The following JADE1 variants were observed in gnomAD, a reference collection of about 807,000 sequenced individuals.
The protein encoded by JADE1 is protein Jade-1.
Under a neutral mutation model 81.8 loss-of-function variants are expected in JADE1, and 14 were observed. That is an observed-to-expected ratio of 0.17 (90% CI 0.11 to 0.27). JADE1 has a LOEUF of 0.27. Among genes scored for constraint, JADE1 ranks in the 10% least tolerant of loss-of-function variants. The pLI is 1.00. For synonymous variants in JADE1, 353 were observed against 391.9 expected, an observed-to-expected ratio of 0.90 and a Z score of 1.17; for missense variants, 690 against 1,047.9, an observed-to-expected ratio of 0.66 and a Z score of 4.71.
intron 1 of JADE1, among the ~76,000 whole-genome samples, chr4:128,826,908 T>G (rs1172792321): frequency 6.6e-6 from 1 of 152,206 alleles, no homozygotes; most frequent in East Asian, 1.9e-4. Context: ...TCTCTTTGTA[T>G]TATTGTTGAA....
chr4:128,815,313 G>T (rs1226736653), intron 1 of JADE1, among the ~76,000 whole-genome samples: 1 of 152,038 alleles, frequency 6.6e-6, no homozygotes, highest in Non-Finnish European at 1.5e-5. Context: ...TGTTAGCCAG[G>T]ATGGTCTCGA....
intron 1 of JADE1, among the ~76,000 whole-genome samples, chr4:128,829,300 A>G (rs1482993264): frequency 6.6e-6 from 1 of 152,192 alleles, no homozygotes; most frequent in African/African-American, 2.4e-5. Context: ...GACTATGCCT[A>G]CAGCATGAAA....
At position 128,872,494 on chromosome 4, in the gene JADE1, G is replaced by T; in HGVS notation, c.*232G>T. The T allele has an allele frequency of 2.0e-6, 1 of 503,136 alleles. No homozygotes were observed. Among genetic ancestry groups the T allele is most frequent in the Non-Finnish European group, 3.5e-6 (1 of 287,282 alleles). 31.2% of individuals were successfully genotyped at this position (503,136 alleles called of 1,614,324 possible). Reference sequence around the variant, plus strand: ...GAGTAGATTGTAACCATAAGACACTGCTAAGACTAGAACCCGAACTGAACA... The same window carrying T: ...GAGTAGATTGTAACCATAAGACACTTCTAAGACTAGAACCCGAACTGAACA... On this transcript the variant is annotated 3_prime_UTR_variant, in exon 11 of 11. Coordinates refer to ENST00000226319, the MANE Select transcript of JADE1 (RefSeq NM_199320.4).
At chr4:128,818,684 A>G (rs569826377) in intron 1 of JADE1, among the ~76,000 whole-genome samples, 18 of 152,334 alleles carry the variant, frequency 1.2e-4, no homozygotes, top group Non-Finnish European at 2.1e-4. Flanking sequence ...CAGAGCAACC[A>G]TGGGCAAAAT....
intron 1 of JADE1, among the ~76,000 whole-genome samples, chr4:128,820,516 C>A (rs547993137): frequency 1.3e-5 from 2 of 152,134 alleles, no homozygotes; most frequent in Non-Finnish European, 2.9e-5. Context: ...GCTTTCTAGA[C>A]CTTGCTTCTA....
chr4:128,848,869 A>G, intron 4 of JADE1, 111 bp from the exon 5 acceptor site: 1 of 1,005,584 alleles, frequency 9.9e-7, no homozygotes, highest in Non-Finnish European at 1.5e-6. Context: ...GCCTCTGGTG[A>G]TGACCTGGGG....
chr4:128,842,132 G>A (rs1018636897), intron 2 of JADE1, among the ~76,000 whole-genome samples: 4 of 151,972 alleles, frequency 2.6e-5, no homozygotes, highest in Non-Finnish European at 5.9e-5. Context: ...TTTACCTCCC[G>A]TCCTCTCTTC....
intron 2 of JADE1, among the ~76,000 whole-genome samples, chr4:128,836,652 T>G (rs1579153654): frequency 6.6e-6 from 1 of 152,124 alleles, no homozygotes; most frequent in Non-Finnish European, 1.5e-5. Flanking sequence ...CTGTAGAGGC[T>G]AATTTAAACA....
At chr4:128,820,292 G>C (rs1727444131) in intron 1 of JADE1, among the ~76,000 whole-genome samples, 1 of 151,666 alleles carries the variant, frequency 6.6e-6, no homozygotes, top group Admixed American at 6.6e-5. Context: ...TTGTATTTTT[G>C]GTAGAGGCAG....
intron 1 of JADE1, among the ~76,000 whole-genome samples, chr4:128,826,701 C>G (rs1579121803): frequency 6.6e-6 from 1 of 152,060 alleles, no homozygotes; most frequent in Non-Finnish European, 1.5e-5. Context: ...GCACCTGGCC[C>G]TATGTTATGT....
rs527262436 is a variant in JADE1, at chr4:128,843,113, G to T, written c.138+75G>T. 1.7e-5 allele frequency: 21 copies of T among 1,232,196 alleles called. No homozygotes were observed. In the South Asian group the frequency reaches 2.7e-4, roughly 16 times the overall value. The allele number at this position is 1,232,196 out of a possible 1,614,324, so 76.3% of individuals were successfully genotyped here. A position where few individuals can be genotyped will look rare whatever the true frequency, so the allele number is the denominator to read the frequency against. Reference sequence around the variant, plus strand: ...ATGCCTAGTTGAGTGGTATCTATTTGTGCAGTCCTGGGCAAATTATTCAAA... The same window carrying T: ...ATGCCTAGTTGAGTGGTATCTATTTTTGCAGTCCTGGGCAAATTATTCAAA... On this transcript the variant is annotated intron_variant, in intron 3 of 10. Transcript: ENST00000226319.
At chr4:128,816,423 C>A (rs1423831023) in intron 1 of JADE1, 2 of 152,074 alleles carry the variant, frequency 1.3e-5, no homozygotes, top group Non-Finnish European at 2.9e-5. Flanking sequence ...AAGAAAATGA[C>A]CTTGGAGGGC....
At chr4:128,826,589 C>G (rs1003636937) in intron 1 of JADE1, among the ~76,000 whole-genome samples, 1 of 149,806 alleles carries the variant, frequency 6.7e-6, no homozygotes, top group African/African-American at 2.5e-5. Context: ...AGGCTTGTCT[C>G]GAACTCCAGG....
rs371031957 is a variant in JADE1 at position 128,871,980 on chromosome 4, A to G, written c.2247A>G (p.Gly749=). 1.2e-5 allele frequency: 20 copies of G among 1,613,962 alleles called. No individual in the cohort carries two copies. The highest frequency in any genetic ancestry group is 1.5e-5 in the Non-Finnish European group (18 of 1,179,928). ...TTPASPVKNW[G]GFRIPKKGER... is the part of the protein sequence containing the mutation. The stretch of plus-strand genomic sequence containing the variant: ...CTGCCAGCCCAGTGAAAAACTGGGG[A>G]GGATTCCGGATTCCAAAGAAGGGGG... The change falls in exon 11 of 11, where the codon GGA becomes GGG. Residue 749 remains glycine (G), a synonymous_variant. Transcript: ENST00000226319. The surrounding 1 kb of genome is among the most constrained non-coding windows in gnomAD (Gnocchi z 4.1).
chr4:128,870,412 GA>G (rs1732103298), intron 10 of JADE1, among the ~76,000 whole-genome samples: 1 of 152,142 alleles, frequency 6.6e-6, no homozygotes, highest in African/African-American at 2.4e-5. Context: ...ATGGGAGACA[GA>G]AAACATGAGA....
Position 128,874,603 on chromosome 4 carries a change from C to T in JADE1, c.*2341C>T, listed in dbSNP as rs1732436124. ...TGCAAATGGATAGAGCACGGTTTCT[C>T]TGACAGTATAATGATAGCTTTGTGA... On this transcript the variant is annotated 3_prime_UTR_variant, in exon 11 of 11. Coordinates refer to ENST00000226319, the MANE Select transcript of JADE1 (RefSeq NM_199320.4). The T allele has an allele frequency of 2.0e-5, 3 of 152,680 alleles. 1 individual carries two copies. The South Asian group carries it at 6.2e-4, about 32-fold the overall frequency. The allele number at this position is 152,680 out of a possible 1,614,324, so 9.5% of individuals were successfully genotyped here. A position where few individuals can be genotyped will look rare whatever the true frequency, so the allele number is the denominator to read the frequency against.
chr4:128,841,501 T>G (rs950375333), intron 2 of JADE1, among the ~76,000 whole-genome samples: 8 of 152,184 alleles, frequency 5.3e-5, no homozygotes, highest in Non-Finnish European at 1.0e-4. Context: ...ACTCTTAGAT[T>G]TCTGACGTCA....
intron 1 of JADE1, chr4:128,828,008 A>G (rs977139835): frequency 2.8e-6 from 1 of 352,386 alleles, no homozygotes; most frequent in Non-Finnish European, 4.0e-6. Flanking sequence ...TCTGACTCTT[A>G]TCCACCTTTT....
intron 10 of JADE1, among the ~76,000 whole-genome samples, chr4:128,870,457 A>G (rs1246860048): frequency 6.6e-6 from 1 of 152,212 alleles, no homozygotes; most frequent in African/African-American, 2.4e-5. Context: ...AGGCTGTTGT[A>G]GAATCATGGT....
Sources: allele counts gnomAD v4.1 joint callset (sites outside exome capture counted in the v4.1 genomes callset), GRCh38; gene constraint gnomAD v4.1.1; non-coding constraint Gnocchi (gnomAD v3.1); transcripts MANE v1.5; gene names NCBI Gene and HGNC (gene_info 2026-07-23, HGNC 2026-07-21).